The following TRPM3 variants were observed in gnomAD, a reference collection of about 807,000 sequenced individuals.
TRPM3 encodes the protein transient receptor potential cation channel subfamily M member 3, also known as long transient receptor potential channel 3.
A neutral mutation model predicts 181.2 loss-of-function variants in TRPM3; 77 were observed. The observed-to-expected ratio is 0.42, with a 90% confidence interval of 0.35 to 0.51. The LOEUF (loss-of-function observed/expected upper bound fraction) is 0.51, where lower values mean the gene tolerates loss of function less well. Among genes scored for constraint, TRPM3 ranks in the 20% least tolerant of loss-of-function variants. The pLI, the probability that TRPM3 is intolerant of heterozygous loss-of-function variation, is 0.01. For synonymous variants in TRPM3, 745 were observed against 796.4 expected (o/e 0.94, Z 1.09); for missense variants, 1,759 against 2,196.7 (o/e 0.80, Z 3.98).
chr9:70,929,871 C>T (rs897120768), intron 1 of TRPM3, among the ~76,000 whole-genome samples: 3 of 152,174 alleles, frequency 2.0e-5, no homozygotes, highest in African/African-American at 7.2e-5. Context: ...TAGAATTAGG[C>T]CTCAGAATTT....
intron 20 of TRPM3, among the ~76,000 whole-genome samples, chr9:70,601,025 C>G (rs1010608004): frequency 3.9e-5 from 6 of 152,142 alleles, no homozygotes; most frequent in Admixed American, 2.0e-4. Flanking sequence ...GTCTTAGAAC[C>G]CTGGGAGCCT....
chr9:70,893,993 GA>G, intron 1 of TRPM3, among the ~76,000 whole-genome samples: 1 of 152,276 alleles, frequency 6.6e-6, no homozygotes. Context: ...CCACATATGG[GA>G]AATAGCAATA....
chr9:71,316,617 T>C lies in TRPM3; in HGVS notation c.183+130036A>G, dbSNP rs149524725. On this transcript the variant is annotated intron_variant, in intron 1 of 24. Transcript: ENST00000357533. ...CTTTGAAGATGGAAGGAGGAGGCCA[T>C]AAGCCAAGGAATGAAGGCGACCTCC... 4.6e-5 allele frequency among the ~76,000 whole-genome samples: 7 copies of C among 152,072 alleles called. No homozygotes were observed. The East Asian group carries it at 1.2e-3, about 25-fold the overall frequency.
intron 1 of TRPM3, among the ~76,000 whole-genome samples, chr9:71,353,182 C>A (rs1418847883): frequency 3.3e-5 from 5 of 151,998 alleles, no homozygotes; most frequent in African/African-American, 1.2e-4. Context: ...AATGCACCAC[C>A]CCACCCTCAC....
At chr9:70,610,492 C>T (rs2061843226) in intron 19 of TRPM3, 117 bp downstream of exon 19, 2 of 1,288,304 alleles carry the variant, frequency 1.6e-6, no homozygotes, top group Admixed American at 4.6e-5. Context: ...GGTCACAGAA[C>T]TTTCACTCCT....
intron 1 of TRPM3, among the ~76,000 whole-genome samples, chr9:71,267,034 T>C (rs1291379633): frequency 6.6e-6 from 1 of 151,960 alleles, no homozygotes; most frequent in Non-Finnish European, 1.5e-5. Context: ...TAGAAAAAAT[T>C]AAGAAAGCTA....
At chr9:70,994,364 G>A (rs2097523308) in intron 1 of TRPM3, among the ~76,000 whole-genome samples, 1 of 152,128 alleles carries the variant, frequency 6.6e-6, no homozygotes, top group South Asian at 2.1e-4. Flanking sequence ...GCTTACCCAG[G>A]TGTATGTAAC....
intron 22 of TRPM3, among the ~76,000 whole-genome samples, chr9:70,590,094 A>G (rs1478327992): frequency 6.6e-6 from 1 of 152,186 alleles, no homozygotes; most frequent in African/African-American, 2.4e-5. Context: ...ACAATGTTGG[A>G]GGGATGTTAT....
At chr9:70,739,057 AG>A (rs1053975737) in intron 8 of TRPM3, among the ~76,000 whole-genome samples, 1 of 152,186 alleles carries the variant, frequency 6.6e-6, no homozygotes, top group South Asian at 2.1e-4. Flanking sequence ...AGATATTTAA[AG>A]AAGAATGGGT....
intron 6 of TRPM3, chr9:70,809,954 G>A: frequency 1.9e-6 from 1 of 534,550 alleles, no homozygotes; most frequent in African/African-American, 1.9e-5. Context: ...ATTTGATGAT[G>A]GTGCAATGAT....
In TRPM3 at chr9:70,625,555, T is replaced by C. The variant is rs937208041; in HGVS notation, c.1633-38A>G. On this transcript the variant is annotated intron_variant, in intron 12 of 25. Coordinates refer to ENST00000677713, the MANE Select transcript of TRPM3 (RefSeq NM_001366145.2). This position sits in a 1 kb window ranked among gnomAD's most constrained non-coding sequence, Gnocchi z 4.8. ...ACATAAGTTAAATAAGAAGATGCAG[T>C]AATCGTCGGCAATAATAGAAAATCA... 1.9e-6 allele frequency: 3 copies of C among 1,586,822 alleles called. No individual in the cohort carries two copies. The highest frequency in any genetic ancestry group is 2.6e-6 in the Non-Finnish European group (3 of 1,165,688).
intron 1 of TRPM3, among the ~76,000 whole-genome samples, chr9:71,282,159 AAAAGAAAGAATGAAAGAAAGAAAGAAAGG>A (rs201613874): frequency 2.8e-4 from 32 of 115,244 alleles, no homozygotes; most frequent in South Asian, 1.2e-3. Flanking sequence ...GAAAGAAAGG[AAAAGAAAGAATGAAAGAAAGAAAGAAAGG>A]AAAGAAAGAA....
At chr9:71,245,315 G>A (rs2081970504) in intron 1 of TRPM3, among the ~76,000 whole-genome samples, 2 of 152,010 alleles carry the variant, frequency 1.3e-5, no homozygotes, top group South Asian at 2.1e-4. Context: ...GTGGTGGCAT[G>A]CACCTGTTAT....
At position 70,537,017 on chromosome 9, in the gene TRPM3, C is replaced by T. The variant is rs777226900; in HGVS notation, c.4096G>A (p.Glu1366Lys). The change falls in exon 26 of 26, where the codon GAA becomes AAA. Residue 1366 changes from glutamate to lysine, a missense_variant. Around this residue, in one of 8 missense-constraint regions of TRPM3, gnomAD observed 612 missense variants for 590.0 expected, o/e 1.04. Coordinates refer to ENST00000677713, the MANE Select transcript of TRPM3 (RefSeq NM_001366145.2). ...AGGGACCTTTCTTTAAAAATACTTT[C>T]CAACTTTTCTATACCACCTTTGTCT... ...MKDKGGIEKL[E>K]SIFKERSLSL... The T allele has an allele frequency of 9.3e-6, 15 of 1,610,300 alleles. No individual in the cohort carries two copies. In the South Asian group the frequency reaches 1.4e-4, roughly 15 times the overall value.
chr9:70,830,358 G>A (rs1256665073), intron 5 of TRPM3, among the ~76,000 whole-genome samples: 1 of 152,174 alleles, frequency 6.6e-6, no homozygotes, highest in African/African-American at 2.4e-5. Context: ...TTCTAAGGAC[G>A]TGGGTGCTCC....
intron 22 of TRPM3, among the ~76,000 whole-genome samples, chr9:70,558,169 C>T (rs890754047): frequency 2.0e-5 from 3 of 152,114 alleles, no homozygotes; most frequent in Admixed American, 2.0e-4. Context: ...CGTAAGGCTA[C>T]CAAGTAGAGA....
Position 71,098,815 on chromosome 9 carries a change from G to C in TRPM3, c.177+22363C>G, listed in dbSNP as rs139732134. Among the ~76,000 whole-genome samples the C allele has an allele frequency of 1.5e-3, 222 of 152,202 alleles. 5 individuals are homozygous for C. The East Asian group carries it at 0.024, about 17-fold the overall frequency. Reference sequence around the variant, plus strand: ...TCCAAAGGTTTCTTGGAGCCCCCTGGAAATTTCAGTGGCCAGTGAAACCTA... The same window carrying C: ...TCCAAAGGTTTCTTGGAGCCCCCTGCAAATTTCAGTGGCCAGTGAAACCTA... On this transcript the variant is annotated intron_variant, in intron 1 of 25. Transcript: ENST00000677713.
chr9:71,095,053 T>TC (rs2066901916), intron 1 of TRPM3, among the ~76,000 whole-genome samples: 2 of 152,064 alleles, frequency 1.3e-5, no homozygotes, highest in Admixed American at 6.6e-5. Flanking sequence ...AGCCATATCA[T>TC]CCCCACAGAT....
chr9:71,003,358 A>G (rs1388616043), intron 1 of TRPM3, among the ~76,000 whole-genome samples: 2 of 150,116 alleles, frequency 1.3e-5, no homozygotes, highest in East Asian at 3.9e-4. Context: ...TGTTTCCAGT[A>G]TTTTGTTATT....
Sources: allele counts gnomAD v4.1 joint callset (sites outside exome capture counted in the v4.1 genomes callset), GRCh38; gene constraint gnomAD v4.1.1; regional missense constraint gnomAD v4.1.1; non-coding constraint Gnocchi (gnomAD v3.1); transcripts MANE v1.5; gene names NCBI Gene and HGNC (gene_info 2026-07-23, HGNC 2026-07-21).